Variants in USP32 observed in about 807,000 individuals in gnomAD.
USP32 encodes the protein ubiquitin specific peptidase 32.
Under a neutral mutation model 204.8 loss-of-function variants are expected in USP32, and 59 were observed. The observed-to-expected ratio is 0.29, with a 90% confidence interval of 0.23 to 0.36. USP32 has a LOEUF of 0.36. Among genes scored for constraint, USP32 ranks in the 10% least tolerant of loss-of-function variants. The pLI, the probability that USP32 is intolerant of heterozygous loss-of-function variation, is 1.00. For synonymous variants in USP32, 517 were observed against 678.4 expected (o/e 0.76, Z 3.70); for missense variants, 1,160 against 1,946.4 (o/e 0.60, Z 7.60).
At chr17:60,373,062 TAGGCTAAGGTGGGAGGATAGCTAG>T (rs1567881843) in intron 1 of USP32, among the ~76,000 whole-genome samples, 1 of 151,850 alleles carries the variant, frequency 6.6e-6, no homozygotes, top group Non-Finnish European at 1.5e-5. Flanking sequence ...AGCTACTCTA[TAGGCTAAGGTGGGAGGATAGCTAG>T]AGGCTAAAGT....
At chr17:60,355,637 A>G (rs1187794856) in intron 1 of USP32, among the ~76,000 whole-genome samples, 1 of 151,948 alleles carries the variant, frequency 6.6e-6, no homozygotes, top group Admixed American at 6.6e-5. Context: ...GTTTGAGCCT[A>G]AGAGTTTAAG....
At chr17:60,247,772 C>G (rs2086071061) in intron 11 of USP32, among the ~76,000 whole-genome samples, 1 of 152,084 alleles carries the variant, frequency 6.6e-6, no homozygotes, top group African/African-American at 2.4e-5. Context: ...CAACCTCCAC[C>G]TCCCCAGTTC....
At chr17:60,306,909 C>T (rs961456196) in intron 2 of USP32, among the ~76,000 whole-genome samples, 5 of 151,814 alleles carry the variant, frequency 3.3e-5, no homozygotes, top group Admixed American at 2.6e-4. Flanking sequence ...AAAAAGAAAT[C>T]CCAAGTGAGT....
At chr17:60,223,297 A>G (rs2085301794) in intron 14 of USP32, 114 bp downstream of exon 14, 2 of 823,822 alleles carry the variant, frequency 2.4e-6, no homozygotes, top group African/African-American at 3.5e-5. Flanking sequence ...GTCCATCTAT[A>G]ATACAGTAAT....
intron 31 of USP32, 52 bp downstream of exon 31, chr17:60,183,113 G>A: frequency 6.5e-7 from 1 of 1,526,738 alleles, no homozygotes; most frequent in Non-Finnish European, 8.8e-7. Context: ...AGAAACATAT[G>A]TAGCCTACAG....
chr17:60,240,504 G>A (rs2145657069), intron 11 of USP32, among the ~76,000 whole-genome samples: 1 of 152,136 alleles, frequency 6.6e-6, no homozygotes, highest in South Asian at 2.1e-4. Context: ...GAGAGAGAGA[G>A]AGAGAGAGAC....
intron 1 of USP32, among the ~76,000 whole-genome samples, chr17:60,379,958 G>C (rs190493476): frequency 2.0e-5 from 3 of 152,156 alleles, no homozygotes; most frequent in Non-Finnish European, 4.4e-5. Context: ...TTTCAATCTA[G>C]TTGGGAGAGT....
intron 29 of USP32, among the ~76,000 whole-genome samples, chr17:60,186,772 G>A (rs2084263063): frequency 1.3e-5 from 2 of 152,116 alleles, no homozygotes; most frequent in African/African-American, 2.4e-5. Context: ...TGAAGAAGAC[G>A]GAGAGAAGGA....
chr17:60,396,222 C>T (rs1016568749), upstream of USP32, among the ~76,000 whole-genome samples: 2 of 151,914 alleles, frequency 1.3e-5, no homozygotes, highest in African/African-American at 2.4e-5. Flanking sequence ...GGACTACAGG[C>T]ATGCGCCACC....
rs924785030 is a variant in USP32, at chr17:60,404,366, GT to G, written c.106+17879del. On this transcript the variant is annotated intron_variant, in intron 1 of 3. Coordinates refer to the USP32 transcript ENST00000588898. ...GCTTGAAATTATTTCCAAATAAAAA[GT>G]TTTTTTTTAATGTGATGCACATGGA... Among the ~76,000 whole-genome samples the G allele has an allele frequency of 1.9e-3, 284 of 151,676 alleles. 4 individuals are homozygous for G. Among genetic ancestry groups the G allele is most frequent in the African/African-American group, 6.2e-3 (258 of 41,392 alleles).
intron 28 of USP32, among the ~76,000 whole-genome samples, chr17:60,191,129 T>C (rs1245844649): frequency 6.6e-6 from 1 of 152,078 alleles, no homozygotes; most frequent in Non-Finnish European, 1.5e-5. Flanking sequence ...GGGCCGGGCA[T>C]GGTGGCTCAT....
chr17:60,414,349 C>G (rs2090043640), intron 1 of USP32, among the ~76,000 whole-genome samples: 1 of 150,300 alleles, frequency 6.7e-6, no homozygotes, highest in Admixed American at 6.7e-5. Context: ...GGTGACAGAG[C>G]AAGACAAGAT....
rs757322107 is a variant in USP32, at chr17:60,181,681, G to A, written c.4191C>T (p.Ser1397=). 6.2e-7 allele frequency: 1 copy of A among 1,612,686 alleles called. No homozygotes were observed. The highest frequency in any genetic ancestry group is 2.2e-5 in the East Asian group (1 of 44,886). Residue 1397 remains serine, a synonymous_variant, in exon 32 of 34, where the codon AGC becomes AGT. Coordinates refer to ENST00000300896, the MANE Select transcript of USP32 (RefSeq NM_032582.4). ...CPSSKNSSPN[S]SPRTLGRSKG... ...TGCTCCTCCCCAAAGTCCGTGGGCTGCTATTAGGGCTGCTGTTTTTGCTGG... is the reference window on the plus strand; with the variant it reads ...TGCTCCTCCCCAAAGTCCGTGGGCTACTATTAGGGCTGCTGTTTTTGCTGG...
intron 1 of USP32, among the ~76,000 whole-genome samples, chr17:60,391,242 G>A (rs2089828496): frequency 6.6e-6 from 1 of 152,228 alleles, no homozygotes; most frequent in African/African-American, 2.4e-5. Context: ...AAGGTCTGGT[G>A]CCAACGCCAG....
intron 11 of USP32, among the ~76,000 whole-genome samples, chr17:60,239,141 T>C (rs2085811127): frequency 1.3e-5 from 2 of 152,162 alleles, no homozygotes; most frequent in African/African-American, 4.8e-5. Flanking sequence ...TTCAGTTCTT[T>C]AAAAAAATTA....
intron 11 of USP32, chr17:60,245,592 T>C: frequency 3.2e-6 from 1 of 316,840 alleles, no homozygotes. Context: ...CTGGATGAAA[T>C]TCTTGGTTCT....
intron 12 of USP32, among the ~76,000 whole-genome samples, chr17:60,229,222 T>A (rs913381463): frequency 6.6e-6 from 1 of 152,116 alleles, no homozygotes; most frequent in African/African-American, 2.4e-5. Context: ...AAAGTTTTCA[T>A]AGAGATGGGG....
At chr17:60,255,286 C>A (rs769931191) in intron 9 of USP32, 28 bp from the exon 10 acceptor site, 832 of 1,200,362 alleles carry the variant, frequency 6.9e-4, no homozygotes, top group Non-Finnish European at 8.9e-4. Flanking sequence ...ATGTTAGGAA[C>A]ATCTTTTTTT....
intron 2 of USP32, among the ~76,000 whole-genome samples, chr17:60,342,412 G>A (rs540797465): frequency 8.5e-5 from 13 of 152,328 alleles, no homozygotes; most frequent in East Asian, 5.8e-4. Context: ...CAGTCTGTCC[G>A]TTCTCAGAGC....
Sources: gnomAD v4.1 joint callset for allele counts (sites outside exome capture counted in the v4.1 genomes callset) on GRCh38, gnomAD v4.1.1 for gene constraint, MANE v1.5 for transcripts, NCBI Gene and HGNC (gene_info 2026-07-23, HGNC 2026-07-21) for gene names.